Variants in IRGM observed in about 807,000 individuals in gnomAD.
IRGM encodes immunity-related GTPase family M protein.
For missense variants in IRGM, 288 were observed against 219.9 expected, an observed-to-expected ratio of 1.31 and a Z score of -1.96; for synonymous variants, 98 against 80.6, an observed-to-expected ratio of 1.22 and a Z score of -1.16.
chr5:150,898,897 T>A (rs1754895191), intron 3 of IRGM, among the ~76,000 whole-genome samples: 1 of 151,980 alleles, frequency 6.6e-6, no homozygotes, highest in East Asian at 1.9e-4. Flanking sequence ...CTCCTGAATA[T>A]TTATATGTTG....
chr5:150,884,707 C>T (rs1021434764), intron 3 of IRGM, among the ~76,000 whole-genome samples: 2 of 152,066 alleles, frequency 1.3e-5, no homozygotes, highest in African/African-American at 4.8e-5. Context: ...TTGTTGGCCA[C>T]ATGTATGTCT....
chr5:150,896,912 A>G, intron 3 of IRGM: 1 of 1,613,466 alleles, frequency 6.2e-7, no homozygotes, highest in Non-Finnish European at 8.5e-7. Flanking sequence ...TCAGTATCTT[A>G]TGATGGAAGG....
chr5:150,889,312 T>A (rs1754572249), intron 3 of IRGM, among the ~76,000 whole-genome samples: 1 of 151,998 alleles, frequency 6.6e-6, no homozygotes, highest in African/African-American at 2.4e-5. Context: ...TCTCACATGG[T>A]GCCAGACAAG....
intron 3 of IRGM, chr5:150,895,835 A>G (rs1561754749): frequency 6.2e-7 from 1 of 1,613,674 alleles, no homozygotes. Flanking sequence ...TTCCACATTC[A>G]GTACATTCAT....
At chr5:150,900,172 T>G (rs888888728) in intron 3 of IRGM, among the ~76,000 whole-genome samples, 1 of 152,122 alleles carries the variant, frequency 6.6e-6, no homozygotes, top group African/African-American at 2.4e-5. Flanking sequence ...TCTGCAAGAT[T>G]TATTCTCAAT....
chr5:150,863,338 A>G (rs192043092), intron 1 of IRGM, among the ~76,000 whole-genome samples: 86 of 152,358 alleles, frequency 5.6e-4, no homozygotes, highest in African/African-American at 2.1e-3. Flanking sequence ...AGGGAGCTCA[A>G]AAAGGTGCTT....
intron 1 of IRGM, among the ~76,000 whole-genome samples, chr5:150,856,417 C>A (rs59624008): frequency 6.6e-6 from 1 of 151,580 alleles, no homozygotes; most frequent in Non-Finnish European, 1.5e-5. Context: ...GGCAACAGAG[C>A]GAGACGTTGT....
At chr5:150,896,643 T>A (rs773703511) in intron 3 of IRGM, 1 of 1,613,594 alleles carries the variant, frequency 6.2e-7, no homozygotes, top group South Asian at 1.1e-5. Context: ...ACTCGGTAGG[T>A]CAATATTTGG....
downstream of IRGM, among the ~76,000 whole-genome samples, chr5:150,853,350 G>A (rs114902604): frequency 1.8e-3 from 269 of 152,122 alleles, 1 homozygote; most frequent in African/African-American, 6.2e-3. Flanking sequence ...CTAATGTATG[G>A]TCTCTCCTGA....
downstream of IRGM, chr5:150,848,780 G>A (rs1033002828): frequency 1.8e-5 from 14 of 770,034 alleles, no homozygotes; most frequent in Admixed American, 5.8e-5. Context: ...TACAATTTTC[G>A]GGGGCATGTA....
intron 3 of IRGM, chr5:150,896,028 G>A (rs1227418526): frequency 5.6e-6 from 9 of 1,613,372 alleles, no homozygotes; most frequent in African/African-American, 2.7e-5. Context: ...CTTCTCTCCA[G>A]TATGAGCTCT....
At chr5:150,895,380 A>G (rs752037881) in intron 3 of IRGM, 2 of 1,396,918 alleles carry the variant, frequency 1.4e-6, no homozygotes, top group East Asian at 2.3e-5. Context: ...TCTAGTAATT[A>G]TTAAGGCTTG....
chr5:150,894,026 T>C (rs1260686853), intron 3 of IRGM, among the ~76,000 whole-genome samples: 1 of 152,034 alleles, frequency 6.6e-6, no homozygotes, highest in Non-Finnish European at 1.5e-5. Context: ...TGCCCTCTAC[T>C]CTACAGTTGT....
chr5:150,849,253 A>T (rs887641485), downstream of IRGM, among the ~76,000 whole-genome samples: 1 of 152,210 alleles, frequency 6.6e-6, no homozygotes, highest in South Asian at 2.1e-4. Flanking sequence ...TTCTTGTTTT[A>T]TCCAGAGCAT....
chr5:150,896,927 T>C lies in IRGM; in HGVS notation c.*141-3662T>C, dbSNP rs144492882. 26 of 1,613,280 alleles carry C rather than the reference T, an allele frequency of 1.6e-5. No homozygotes were observed. The African/African-American group carries it at 2.8e-4, about 17-fold the overall frequency. ...TCAGTATCTTATGATGGAAGGAAACTGTCCCCAAAATACATGACTGGGAGT... is the reference window on the plus strand; with the variant it reads ...TCAGTATCTTATGATGGAAGGAAACCGTCCCCAAAATACATGACTGGGAGT... On this transcript the variant is annotated intron_variant and NMD_transcript_variant, in intron 3 of 3. Transcript: ENST00000520549.
intron 3 of IRGM, among the ~76,000 whole-genome samples, chr5:150,884,252 A>T (rs996922458): frequency 6.6e-6 from 1 of 152,080 alleles, no homozygotes; most frequent in African/African-American, 2.4e-5. Flanking sequence ...ACTTATATTT[A>T]TACTTTTCTA....
downstream of IRGM, among the ~76,000 whole-genome samples, chr5:150,851,100 C>T (rs541478999): frequency 1.3e-5 from 2 of 152,210 alleles, no homozygotes; most frequent in East Asian, 3.9e-4. Flanking sequence ...AATTTCAGGG[C>T]AAGAATTGAC....
chr5:150,864,846 A>G (rs1239723195), intron 1 of IRGM, among the ~76,000 whole-genome samples: 1 of 152,218 alleles, frequency 6.6e-6, no homozygotes, highest in African/African-American at 2.4e-5. Context: ...CATAAAGACC[A>G]TGGGACAGGG....
At chr5:150,897,211 A>C in intron 3 of IRGM, 1 of 389,100 alleles carries the variant, frequency 2.6e-6, no homozygotes, top group Non-Finnish European at 4.6e-6. Context: ...GTGGGGTCTC[A>C]TCACTAATTT....
Sources: gnomAD v4.1 joint callset for allele counts (sites outside exome capture counted in the v4.1 genomes callset) on GRCh38, gnomAD v4.1.1 for gene constraint, MANE v1.5 for transcripts, NCBI Gene and HGNC (gene_info 2026-07-23, HGNC 2026-07-21) for gene names.